Variants in PLCZ1 observed in about 807,000 individuals in gnomAD.
The protein encoded by PLCZ1 is phospholipase C zeta 1.
Under a neutral mutation model 76.8 loss-of-function variants are expected in PLCZ1, and 64 were observed. That is an observed-to-expected ratio of 0.83 (90% CI 0.68 to 1.03). PLCZ1 has a LOEUF of 1.03. Ranked by LOEUF, PLCZ1 falls within the 50% of genes least tolerant of loss-of-function variation. PLCZ1 has a pLI of 0.00. For synonymous variants in PLCZ1, 248 were observed against 230.8 expected, an observed-to-expected ratio of 1.07 and a Z score of -0.68; for missense variants, 751 against 713.7, an observed-to-expected ratio of 1.05 and a Z score of -0.60.
At chr12:18,709,457 T>C (rs1416902109) in intron 6 of PLCZ1, among the ~76,000 whole-genome samples, 1 of 152,206 alleles carries the variant, frequency 6.6e-6, no homozygotes, top group Non-Finnish European at 1.5e-5. Flanking sequence ...GTGTGATGCC[T>C]CCAACTTTGT....
At chr12:18,663,632 T>C in the PLCZ1 span, among the ~76,000 whole-genome samples, 2 of 151,560 alleles carry the variant, frequency 1.3e-5, no homozygotes, top group Non-Finnish European at 2.9e-5. Context: ...CAGCAAAAAC[T>C]GTAAAACTCT....
chr12:18,674,354 G>T, the PLCZ1 span, among the ~76,000 whole-genome samples: 20 of 152,016 alleles, frequency 1.3e-4, no homozygotes, highest in Non-Finnish European at 2.6e-4. Context: ...CTAAAATTTT[G>T]TATGTTTGTT....
chr12:18,694,853 A>T, intron 12 of PLCZ1, 57 bp downstream of exon 12: 2 of 1,311,620 alleles, frequency 1.5e-6, no homozygotes, highest in Non-Finnish European at 1.1e-6. Context: ...ATACTAATGT[A>T]CACTATCTAG....
At chr12:18,670,474 C>CA in the PLCZ1 span, among the ~76,000 whole-genome samples, 1 of 152,118 alleles carries the variant, frequency 6.6e-6, no homozygotes, top group East Asian at 1.9e-4. Context: ...AAGACAGCTT[C>CA]AACTACCCAA....
intron 7 of PLCZ1, among the ~76,000 whole-genome samples, chr12:18,702,696 A>G (rs1956102615): frequency 6.6e-6 from 1 of 152,134 alleles, no homozygotes. Context: ...ACAAATTCCT[A>G]GGATCTACTT....
chr12:18,683,532 C>A (rs1405317249), intron 14 of PLCZ1: 2 of 1,511,730 alleles, frequency 1.3e-6, no homozygotes, highest in Non-Finnish European at 1.8e-6. Flanking sequence ...AAACTGAATA[C>A]ACAGCTCATA....
At chr12:18,682,637 T>G (rs967851678), downstream of PLCZ1, among the ~76,000 whole-genome samples, 1 of 151,998 alleles carries the variant, frequency 6.6e-6, no homozygotes, top group African/African-American at 2.4e-5. Flanking sequence ...ACACAGTAGA[T>G]CTCTTTTATA....
chr12:18,721,003 G>C (rs1259034673), intron 4 of PLCZ1, among the ~76,000 whole-genome samples: 1 of 151,950 alleles, frequency 6.6e-6, no homozygotes, highest in Non-Finnish European at 1.5e-5. Flanking sequence ...AATTTTTATA[G>C]GTATACAAAC....
chr12:18,666,200 C>T, the PLCZ1 span, among the ~76,000 whole-genome samples: 1 of 151,426 alleles, frequency 6.6e-6, no homozygotes, highest in East Asian at 1.9e-4. Flanking sequence ...AAGATATTGC[C>T]TATAGAAAAC....
chr12:18,737,130 C>A (rs1959429226), intron 2 of PLCZ1, among the ~76,000 whole-genome samples: 1 of 152,106 alleles, frequency 6.6e-6, no homozygotes, highest in South Asian at 2.1e-4. Context: ...TTAATGAGAT[C>A]TCCTTAAATT....
rs757116245 is a variant in PLCZ1 at position 18,686,142 on chromosome 12, C to T, written c.1592-1863G>A. 2.0e-5 allele frequency among the ~76,000 whole-genome samples: 3 copies of T among 151,948 alleles called. No homozygotes were observed. In the South Asian group the frequency reaches 6.2e-4, roughly 32 times the overall value. ...CTCACTTACATCCCCCATTCCTTTC[C>T]TACTGCCACGGCCTCCTTTATACCA... is the stretch of plus-strand genomic sequence containing the variant. On this transcript the variant is annotated intron_variant, in intron 13 of 14. Coordinates refer to ENST00000266505, the MANE Select transcript of PLCZ1 (RefSeq NM_033123.4).
intron 5 of PLCZ1, chr12:18,715,034 C>G (rs1957774867): frequency 6.6e-6 from 1 of 151,586 alleles, no homozygotes; most frequent in Non-Finnish European, 1.5e-5. Context: ...CTTTGGCGAT[C>G]ATATGCAGTC....
At chr12:18,651,040 C>A in the PLCZ1 span, among the ~76,000 whole-genome samples, 1 of 151,834 alleles carries the variant, frequency 6.6e-6, no homozygotes, top group African/African-American at 2.4e-5. Flanking sequence ...AAAGCCCAAG[C>A]CTTTAAAATA....
At chr12:18,657,866 A>G in the PLCZ1 span, among the ~76,000 whole-genome samples, 1 of 152,290 alleles carries the variant, frequency 6.6e-6, no homozygotes, top group African/African-American at 2.4e-5. Flanking sequence ...AAGCTCATCT[A>G]TTGGACTTAC....
chr12:18,678,673 G>A (rs2137009487), downstream of PLCZ1, among the ~76,000 whole-genome samples: 1 of 152,084 alleles, frequency 6.6e-6, no homozygotes, highest in Middle Eastern at 3.4e-3. Flanking sequence ...ATTAATGCAT[G>A]TATGAATAGT....
intron 4 of PLCZ1, among the ~76,000 whole-genome samples, chr12:18,720,140 C>T (rs1343409454): frequency 6.6e-6 from 1 of 152,040 alleles, no homozygotes; most frequent in Non-Finnish European, 1.5e-5. Flanking sequence ...TTCTTTTACT[C>T]AACATTCTAT....
chr12:18,701,554 T>A lies in PLCZ1; in HGVS notation c.964A>T (p.Lys322Ter). 6.2e-7 allele frequency: 1 copy of A among 1,613,970 alleles called. No individual in the cohort carries two copies. Among genetic ancestry groups the A allele is most frequent in the Non-Finnish European group, 8.5e-7 (1 of 1,179,980 alleles). Residue 322 changes from lysine (K) to a stop codon, truncating the protein, a stop_gained, in exon 9 of 15, where the codon AAG becomes TAG. Coordinates refer to ENST00000266505, the MANE Select transcript of PLCZ1 (RefSeq NM_033123.4). LOFTEE classifies it high-confidence loss of function. ...GGTAACTTTTTTACCCCTGTTTCCT[T>A]GTCTTGATTGTCTCCTAAAACAGAT... Reference protein sequence around the residue: ...GSDKRGDNQDKETGVKKLPGV... With the variant: ...GSDKRGDNQD
chr12:18,672,174 C>T, the PLCZ1 span, among the ~76,000 whole-genome samples: 39 of 152,190 alleles, frequency 2.6e-4, no homozygotes, highest in Admixed American at 2.2e-3. Flanking sequence ...TTTATAGTTT[C>T]TGACATTTCT....
the PLCZ1 span, among the ~76,000 whole-genome samples, chr12:18,650,694 GTGTGTGTGTGTATA>G: frequency 7.7e-5 from 3 of 38,864 alleles, no homozygotes; most frequent in Admixed American, 8.9e-4. Context: ...GTGTGTGTGT[GTGTGTGTGTGTATA>G]TATCTATATA....
Sources: allele counts gnomAD v4.1 joint callset (sites outside exome capture counted in the v4.1 genomes callset), GRCh38; gene constraint gnomAD v4.1.1; transcripts MANE v1.5; gene names NCBI Gene and HGNC (gene_info 2026-07-23, HGNC 2026-07-21).